Variants in AOAH observed in about 807,000 individuals in gnomAD.
The protein encoded by AOAH is acyloxyacyl hydrolase, also known as acyloxyacyl hydrolase (neutrophil).
Under a neutral mutation model 92.2 loss-of-function variants are expected in AOAH, and 64 were observed. That is an observed-to-expected ratio of 0.69 (90% CI 0.57 to 0.86). The LOEUF is 0.86. Among genes scored for constraint, AOAH ranks in the 40% least tolerant of loss-of-function variants. AOAH has a pLI of 0.00. For missense variants in AOAH, 656 were observed against 694.6 expected, an observed-to-expected ratio of 0.94 and a Z score of 0.62; for synonymous variants, 263 against 254.5, an observed-to-expected ratio of 1.03 and a Z score of -0.32.
At chr7:36,618,414 C>T (rs895312504) in intron 9 of AOAH, 69 bp from the exon 10 acceptor site, 1 of 1,428,516 alleles carries the variant, frequency 7.0e-7, no homozygotes, top group Non-Finnish European at 9.8e-7. Context: ...CTAAAGCTCT[C>T]CTAAATGGCT....
chr7:36,537,072 C>A (rs1785113903), intron 16 of AOAH, among the ~76,000 whole-genome samples: 1 of 150,816 alleles, frequency 6.6e-6, no homozygotes, highest in Admixed American at 6.6e-5. Context: ...CCGGATAAAT[C>A]CCACCTACTT....
At chr7:36,703,067 C>G (rs1361998645) in intron 1 of AOAH, among the ~76,000 whole-genome samples, 2 of 152,258 alleles carry the variant, frequency 1.3e-5, no homozygotes, top group South Asian at 4.1e-4. Flanking sequence ...CCATAAGAAG[C>G]AATTCCTCAT....
intron 4 of AOAH, among the ~76,000 whole-genome samples, chr7:36,653,885 G>A (rs760837255): frequency 3.3e-5 from 5 of 152,182 alleles, no homozygotes; most frequent in Non-Finnish European, 4.4e-5. Context: ...GGACCCAAAC[G>A]GGAGTGGCTT....
intron 1 of AOAH, among the ~76,000 whole-genome samples, chr7:36,723,061 C>G (rs571274650): frequency 2.6e-5 from 4 of 151,800 alleles, no homozygotes; most frequent in African/African-American, 9.7e-5. Context: ...CATATTGTCT[C>G]CAGAAACAAT....
intron 16 of AOAH, among the ~76,000 whole-genome samples, chr7:36,534,118 G>C (rs1421194297): frequency 6.6e-6 from 1 of 152,196 alleles, no homozygotes; most frequent in Non-Finnish European, 1.5e-5. Context: ...TTGATATCCA[G>C]AGGGGCCGGA....
intron 16 of AOAH, 40 bp from the exon 17 acceptor site, chr7:36,532,384 C>T: frequency 6.2e-7 from 1 of 1,601,450 alleles, no homozygotes; most frequent in Non-Finnish European, 8.5e-7. Flanking sequence ...ATCCACTCGG[C>T]AATAGCAGCA....
chr7:36,566,358 ACT>A (rs1491172091), intron 13 of AOAH, among the ~76,000 whole-genome samples: 1 of 125,588 alleles, frequency 8.0e-6, no homozygotes, highest in Non-Finnish European at 1.7e-5. Context: ...TTCATCCTTA[ACT>A]TTTTTTTTTT....
intron 12 of AOAH, among the ~76,000 whole-genome samples, chr7:36,591,204 G>A (rs1293592924): frequency 6.6e-6 from 1 of 152,196 alleles, no homozygotes; most frequent in Admixed American, 6.5e-5. Flanking sequence ...ATTCTGAGAG[G>A]AACAGCTAGG....
chr7:36,684,333 G>A (rs1796831466), intron 2 of AOAH, among the ~76,000 whole-genome samples: 1 of 152,132 alleles, frequency 6.6e-6, no homozygotes, highest in South Asian at 2.1e-4. Context: ...AAGTTCATAA[G>A]TTTATCATGA....
At chr7:36,664,841 A>C (rs1409233218) in intron 3 of AOAH, among the ~76,000 whole-genome samples, 1 of 152,208 alleles carries the variant, frequency 6.6e-6, no homozygotes, top group Non-Finnish European at 1.5e-5. Context: ...GCTTTCAATC[A>C]TGGTGGAAGG....
chr7:36,537,012 T>A (rs1785108249), intron 16 of AOAH, among the ~76,000 whole-genome samples: 2 of 142,112 alleles, frequency 1.4e-5, no homozygotes, highest in Non-Finnish European at 3.0e-5. Context: ...CCTCTTGAAG[T>A]CTGTCATCTT....
At chr7:36,559,322 A>G (rs1664381811) in intron 13 of AOAH, among the ~76,000 whole-genome samples, 1 of 152,236 alleles carries the variant, frequency 6.6e-6, no homozygotes, top group Non-Finnish European at 1.5e-5. Flanking sequence ...GAAATCTCCA[A>G]ACTGCTTTCC....
intron 9 of AOAH, among the ~76,000 whole-genome samples, 159 bp downstream of exon 9, chr7:36,620,622 G>T (rs1792209211): frequency 6.6e-6 from 1 of 152,190 alleles, no homozygotes; most frequent in Admixed American, 6.5e-5. Flanking sequence ...CACTCTTCAT[G>T]CATCATCAGG....
At chr7:36,527,660 C>T (rs1424896552) in intron 19 of AOAH, among the ~76,000 whole-genome samples, 4 of 152,146 alleles carry the variant, frequency 2.6e-5, no homozygotes, top group East Asian at 1.9e-4. Context: ...TTAATCTTTA[C>T]GTGGGTTAGT....
intron 4 of AOAH, among the ~76,000 whole-genome samples, chr7:36,652,163 T>C (rs1794615674): frequency 6.6e-6 from 1 of 151,776 alleles, no homozygotes; most frequent in Middle Eastern, 3.2e-3. Flanking sequence ...GCCTGGATCA[T>C]CTGGTAGTAC....
intron 11 of AOAH, among the ~76,000 whole-genome samples, chr7:36,599,012 T>TA (rs2115618776): frequency 6.6e-6 from 1 of 152,346 alleles, no homozygotes; most frequent in East Asian, 1.9e-4. Flanking sequence ...TTTCCAAACT[T>TA]AAAGAGCGTG....
intron 1 of AOAH, among the ~76,000 whole-genome samples, chr7:36,696,781 G>A (rs28826369): frequency 0.017 from 2,591 of 151,926 alleles, 80 homozygotes; most frequent in African/African-American, 0.06. Context: ...AATTGCTTGA[G>A]CCGAGACCGG....
chr7:36,557,601 C>A (rs1323101028), intron 13 of AOAH, among the ~76,000 whole-genome samples: 2 of 147,878 alleles, frequency 1.4e-5, no homozygotes, highest in African/African-American at 4.9e-5. Context: ...GTTCCATTCT[C>A]CCTGTCACTT....
chr7:36,536,365 A>G (rs1785058523), intron 16 of AOAH, among the ~76,000 whole-genome samples: 1 of 152,064 alleles, frequency 6.6e-6, no homozygotes. Context: ...AATGGACCTC[A>G]CCCTCTTCCC....
Sources: gnomAD v4.1 joint callset for allele counts (sites outside exome capture counted in the v4.1 genomes callset) on GRCh38, gnomAD v4.1.1 for gene constraint, MANE v1.5 for transcripts, NCBI Gene and HGNC (gene_info 2026-07-23, HGNC 2026-07-21) for gene names.